The following ETV7 variants were observed in gnomAD, a reference collection of about 807,000 sequenced individuals.
ETV7 encodes ETS variant transcription factor 7.
ETV7 carries 43 observed loss-of-function variants against 39.1 expected under a neutral mutation model. The ratio of observed to expected loss-of-function variants is 1.10; its 90% CI spans 0.86 to 1.42. The LOEUF (loss-of-function observed/expected upper bound fraction) is 1.42. ETV7 is among the 40% of genes most tolerant of loss of function. The pLI is 0.00. For missense variants in ETV7, 432 were observed against 442.3 expected (o/e 0.98, Z 0.21); for synonymous variants, 196 against 176.6 (o/e 1.11, Z -0.87).
At chr6:36,378,113 C>T (rs77112350) in intron 2 of ETV7, among the ~76,000 whole-genome samples, 2,256 of 152,114 alleles carry the variant, frequency 0.015, 48 homozygotes, top group African/African-American at 0.05. Context: ...GAAGGTGGAG[C>T]CCAGGAGCAA....
At chr6:36,370,257 C>T (rs932231788) in intron 5 of ETV7, among the ~76,000 whole-genome samples, 4 of 152,192 alleles carry the variant, frequency 2.6e-5, no homozygotes, top group South Asian at 2.1e-4. Context: ...TATCACAGGC[C>T]GGCACGGTGG....
downstream of ETV7, among the ~76,000 whole-genome samples, chr6:36,362,597 G>A (rs754031064): frequency 6.6e-6 from 1 of 152,206 alleles, no homozygotes; most frequent in Non-Finnish European, 1.5e-5. Context: ...GTACTCAATT[G>A]ATGTTTGTAG....
intron 2 of ETV7, among the ~76,000 whole-genome samples, chr6:36,380,994 G>A (rs1207703912): frequency 6.6e-6 from 1 of 151,548 alleles, no homozygotes; most frequent in Non-Finnish European, 1.5e-5. Context: ...CTGGTTTCAA[G>A]ACCCCTCAAA....
chr6:36,363,258 G>A (rs1306751293), downstream of ETV7, among the ~76,000 whole-genome samples: 2 of 152,132 alleles, frequency 1.3e-5, no homozygotes, highest in African/African-American at 2.4e-5. Flanking sequence ...ATGTTCCGAC[G>A]TGTTCAGAGT....
At position 36,369,025 on chromosome 6, in the gene ETV7, G is replaced by C; in HGVS notation, c.711C>G (p.Thr237=). Reference sequence around the variant, plus strand: ...CCCACTTGATGTAGGGCTCATATCGGGTATCAAGGAGCAGCTGATACACGT... The same window carrying C: ...CCCACTTGATGTAGGGCTCATATCGCGTATCAAGGAGCAGCTGATACACGT... The part of the protein sequence containing the change: ...WDYVYQLLLD[T]RYEPYIKWED... Residue 237 remains threonine (T), a synonymous_variant, in exon 6 of 8, where the codon ACC becomes ACG. Transcript: ENST00000340181. 1 of 1,614,112 alleles carries C rather than the reference G, an allele frequency of 6.2e-7. No homozygotes were observed. The highest frequency in any genetic ancestry group is 1.1e-5 in the South Asian group (1 of 91,080).
In ETV7 at chr6:36,366,392, C is replaced by A; in HGVS notation, c.*253G>T. The A allele has an allele frequency of 7.6e-7, 1 of 1,312,844 alleles. No homozygotes were observed. Among genetic ancestry groups the A allele is most frequent in the Admixed American group, 3.2e-5 (1 of 31,138 alleles). The allele number at this position is 1,312,844 out of a possible 1,614,324, so 81.3% of individuals were successfully genotyped here. A position where few individuals can be genotyped will look rare whatever the true frequency, so the allele number is the denominator to read the frequency against. On this transcript the variant is annotated 3_prime_UTR_variant, in exon 8 of 8. Coordinates refer to ENST00000340181, the MANE Select transcript of ETV7 (RefSeq NM_016135.4). ...TCTATCGGTGCCTGGCTTCCTCTCC[C>A]AGGGGTGCAGTAGGGGAGAGTCCAT... is the stretch of plus-strand genomic sequence containing the variant.
downstream of ETV7, among the ~76,000 whole-genome samples, chr6:36,363,371 C>T (rs1041803015): frequency 1.8e-4 from 27 of 151,766 alleles, no homozygotes; most frequent in African/African-American, 6.5e-4. Context: ...TGGAGTCGTT[C>T]GTTCCTCCCC....
At chr6:36,357,003 G>A (rs1772358881) in intron 7 of ETV7, among the ~76,000 whole-genome samples, 1 of 152,242 alleles carries the variant, frequency 6.6e-6, no homozygotes, top group South Asian at 2.1e-4. Context: ...AGCCAGCATG[G>A]AGTTTTGATG....
chr6:36,387,403 A>C lies in ETV7; in HGVS notation c.6+133T>G, dbSNP rs911249523. ...TGAGGGATGGATGTGAGGTTTAGGA[A>C]TGTGTTGGAAAGAGAGATTCCCGCC... On this transcript the variant is annotated intron_variant, in intron 1 of 7. Transcript: ENST00000340181. 4 of 1,276,064 alleles carry C rather than the reference A, an allele frequency of 3.1e-6. No homozygotes were observed. The Admixed American group carries it at 6.7e-5, about 21-fold the overall frequency. 79.0% of individuals were successfully genotyped at this position (1,276,064 alleles called of 1,614,324 possible).
intron 2 of ETV7, among the ~76,000 whole-genome samples, chr6:36,378,584 C>A (rs771395875): frequency 6.6e-6 from 1 of 152,102 alleles, no homozygotes; most frequent in Non-Finnish European, 1.5e-5. Flanking sequence ...AAGGTTAATG[C>A]CTACCATAGG....
Position 36,375,987 on chromosome 6 carries a change from C to T in ETV7, c.191G>A (p.Arg64His), listed in dbSNP as rs150949834. The stretch of plus-strand genomic sequence containing the variant: ...CAGAGAGTACTCCTGCTCTGCCCAG[C>T]GCAGCCAGTGCAGCACGTCCTCCCT... ...WSREDVLHWL[R>H]WAEQEYSLPC... The change falls in exon 3 of 8, where the codon CGC (arginine) becomes CAC (histidine). Residue 64 changes from arginine (R) to histidine (H), a missense_variant. By Grantham distance (29) the Arg-to-His change is conservative. Coordinates refer to ENST00000340181, the MANE Select transcript of ETV7 (RefSeq NM_016135.4). 224 of 1,611,474 alleles carry T rather than the reference C, an allele frequency of 1.4e-4. No individual in the cohort carries two copies. Among genetic ancestry groups the T allele is most frequent in the Middle Eastern group, 5.0e-4 (3 of 6,058 alleles).
chr6:36,369,399 A>G (rs1363495261), intron 5 of ETV7, among the ~76,000 whole-genome samples: 1 of 152,208 alleles, frequency 6.6e-6, no homozygotes, highest in East Asian at 1.9e-4. Flanking sequence ...CATCAGAGCC[A>G]TGTGAGGGCA....
chr6:36,369,421 C>T (rs972231896), intron 5 of ETV7, among the ~76,000 whole-genome samples: 15 of 152,210 alleles, frequency 9.9e-5, no homozygotes, highest in Non-Finnish European at 2.2e-4. Context: ...GTGCTGGGCC[C>T]ACAGGCTGAG....
Position 36,366,411 on chromosome 6 carries a change from A to T in ETV7, c.*234T>A. 1 of 1,367,696 alleles carries T rather than the reference A, an allele frequency of 7.3e-7. No individual in the cohort carries two copies. The highest frequency in any genetic ancestry group is 2.8e-5 in the East Asian group (1 of 36,308). 84.7% of individuals were successfully genotyped at this position (1,367,696 alleles called of 1,614,324 possible). A position where few individuals can be genotyped will look rare whatever the true frequency, so the allele number is the denominator to read the frequency against. On this transcript the variant is annotated 3_prime_UTR_variant, in exon 8 of 8. Coordinates refer to ENST00000340181, the MANE Select transcript of ETV7 (RefSeq NM_016135.4). ...CTCTCCCAGGGGTGCAGTAGGGGAG[A>T]GTCCATTCCCCTGTACCTCATTTAG...
chr6:36,372,746 G>A (rs1292829313), intron 4 of ETV7, among the ~76,000 whole-genome samples: 6 of 142,552 alleles, frequency 4.2e-5, no homozygotes, highest in African/African-American at 1.6e-4. Flanking sequence ...TTTAGGGGCT[G>A]GGGGTGTTGA....
chr6:36,366,253 CT>C lies in ETV7; in HGVS notation c.*391del. 1 of 1,047,554 alleles carries C rather than the reference CT, an allele frequency of 9.5e-7. No individual in the cohort carries two copies. Among genetic ancestry groups the C allele is most frequent in the Non-Finnish European group, 1.2e-6 (1 of 867,756 alleles). 64.9% of individuals were successfully genotyped at this position (1,047,554 alleles called of 1,614,324 possible). A position where few individuals can be genotyped will look rare whatever the true frequency, so the allele number is the denominator to read the frequency against. ...TCAGTGCCGCCTGGAAGCACTAACACTTTTTCCCATTTCCTGCCTCAGCCCA... is the reference window on the plus strand; with the variant it reads ...TCAGTGCCGCCTGGAAGCACTAACACTTTTCCCATTTCCTGCCTCAGCCCA... On this transcript the variant is annotated 3_prime_UTR_variant, in exon 8 of 8. Transcript: ENST00000340181.
chr6:36,355,399 T>C (rs562277532), intron 7 of ETV7, among the ~76,000 whole-genome samples: 1 of 152,182 alleles, frequency 6.6e-6, no homozygotes, highest in South Asian at 2.1e-4. Context: ...CATAGACTTT[T>C]TTTTTTTTTT....
At chr6:36,376,242 T>C (rs1287189251) in intron 2 of ETV7, among the ~76,000 whole-genome samples, 1 of 146,068 alleles carries the variant, frequency 6.8e-6, no homozygotes, top group African/African-American at 2.8e-5. Context: ...TGTTCGTGTT[T>C]GTCATTATGT....
intron 7 of ETV7, among the ~76,000 whole-genome samples, chr6:36,355,879 T>G (rs1434006119): frequency 6.6e-6 from 1 of 152,220 alleles, no homozygotes; most frequent in African/African-American, 2.4e-5. Flanking sequence ...TCATTCCCTC[T>G]GATTCATCCC....
Sources: allele counts gnomAD v4.1 joint callset (sites outside exome capture counted in the v4.1 genomes callset), GRCh38; gene constraint gnomAD v4.1.1; transcripts MANE v1.5; gene names NCBI Gene and HGNC (gene_info 2026-07-23, HGNC 2026-07-21).